Variants in NRCAM observed in about 807,000 individuals in gnomAD.
NRCAM encodes the protein neuronal cell adhesion molecule.
NRCAM carries 83 observed loss-of-function variants against 156.5 expected under a neutral mutation model. The observed-to-expected ratio is 0.53, with a 90% CI of 0.44 to 0.64. The LOEUF (loss-of-function observed/expected upper bound fraction) is 0.64, where lower values mean the gene tolerates loss of function less well. Ranked by LOEUF, NRCAM falls within the 30% of genes least tolerant of loss-of-function variation. NRCAM has a pLI of 0.00. For missense variants in NRCAM, 1,417 were observed against 1,597.3 expected (o/e 0.89, Z 1.92); for synonymous variants, 538 against 563.9 (o/e 0.95, Z 0.65).
intron 3 of NRCAM, among the ~76,000 whole-genome samples, chr7:108,307,395 T>C (rs1563198110): frequency 6.6e-6 from 1 of 152,244 alleles, no homozygotes; most frequent in Non-Finnish European, 1.5e-5. Context: ...ATTTCCACCA[T>C]GCTACAAGAA....
At chr7:108,244,119 T>C (rs2095733718) in intron 3 of NRCAM, among the ~76,000 whole-genome samples, 1 of 152,098 alleles carries the variant, frequency 6.6e-6, no homozygotes. Context: ...AGGAGGAAAT[T>C]ATTTTAATGA....
Position 108,381,049 on chromosome 7 carries a change from A to G in NRCAM, c.-174+18387T>C, listed in dbSNP as rs1011742052. Among the ~76,000 whole-genome samples, 2 of 152,184 alleles carry G rather than the reference A, an allele frequency of 1.3e-5. 1 individual carries two copies. The highest frequency in any genetic ancestry group is 6.3e-3 in the Middle Eastern group (2 of 316). ...GAGAGACCCTATCTTTAAAAAATAT[A>G]TAAAAGAATATACAAAGAACTGAAA... On this transcript the variant is annotated intron_variant, in intron 2 of 32. Coordinates refer to ENST00000379028, the MANE Select transcript of NRCAM (RefSeq NM_001037132.4).
intron 2 of NRCAM, among the ~76,000 whole-genome samples, chr7:108,320,453 C>A (rs988642476): frequency 4.0e-5 from 6 of 151,444 alleles, no homozygotes; most frequent in South Asian, 2.1e-4. Flanking sequence ...CAAAACAAAA[C>A]AAAACAAAAC....
chr7:108,298,338 AC>A (rs2098495141), intron 3 of NRCAM, among the ~76,000 whole-genome samples: 1 of 151,936 alleles, frequency 6.6e-6, no homozygotes, highest in East Asian at 1.9e-4. Context: ...TCTATCCAAA[AC>A]AACCCCCTCC....
intron 1 of NRCAM, among the ~76,000 whole-genome samples, chr7:108,437,042 TA>T (rs1013836778): frequency 6.6e-6 from 1 of 152,122 alleles, no homozygotes; most frequent in African/African-American, 2.4e-5. Context: ...ATGAATGGAT[TA>T]AAAAAATGTT....
chr7:108,151,741 G>A (rs1261391724), intron 32 of NRCAM, among the ~76,000 whole-genome samples: 1 of 152,152 alleles, frequency 6.6e-6, no homozygotes, highest in African/African-American at 2.4e-5. Flanking sequence ...TATGAAAATA[G>A]CCTACACAAC....
intron 25 of NRCAM, among the ~76,000 whole-genome samples, chr7:108,179,762 GA>G (rs1407790135): frequency 1.3e-5 from 2 of 152,140 alleles, no homozygotes. Context: ...TAATAAATTA[GA>G]AAAGAGCACT....
chr7:108,247,377 A>G (rs1013378143), intron 3 of NRCAM, among the ~76,000 whole-genome samples: 3 of 152,192 alleles, frequency 2.0e-5, no homozygotes, highest in African/African-American at 7.2e-5. Flanking sequence ...GGCCGAACCT[A>G]AATTAGTAAA....
chr7:108,232,262 C>T (rs2094432083), intron 7 of NRCAM, 64 bp downstream of exon 7: 4 of 1,207,928 alleles, frequency 3.3e-6, no homozygotes, highest in Admixed American at 2.3e-5. Context: ...GATGATGTCA[C>T]AGAAGCTGAG....
At chr7:108,250,294 C>T (rs1015428910) in intron 3 of NRCAM, among the ~76,000 whole-genome samples, 12 of 151,852 alleles carry the variant, frequency 7.9e-5, no homozygotes, top group Non-Finnish European at 1.6e-4. Context: ...GGCATGGTGG[C>T]GAGCACCTGT....
At chr7:108,172,679 A>G (rs181393946) in intron 28 of NRCAM, among the ~76,000 whole-genome samples, 8 of 152,358 alleles carry the variant, frequency 5.3e-5, no homozygotes, top group Admixed American at 1.3e-4. Context: ...AATCCAACAA[A>G]GAAAAGGACA....
chr7:108,392,131 G>A (rs953817503), intron 2 of NRCAM, among the ~76,000 whole-genome samples: 3 of 152,130 alleles, frequency 2.0e-5, no homozygotes, highest in Non-Finnish European at 4.4e-5. Context: ...GCCTTGCTAT[G>A]TTGGGGAAGT....
At chr7:108,304,390 T>C (rs1383361991) in intron 3 of NRCAM, among the ~76,000 whole-genome samples, 2 of 27,884 alleles carry the variant, frequency 7.2e-5, no homozygotes, top group East Asian at 0.011. Flanking sequence ...TATTCCATGC[T>C]TTTTTTTTTT....
At chr7:108,173,442 C>T (rs1422098789) in intron 28 of NRCAM, among the ~76,000 whole-genome samples, 1 of 151,976 alleles carries the variant, frequency 6.6e-6, no homozygotes, top group African/African-American at 2.4e-5. Flanking sequence ...TCTCCTGTCA[C>T]AGAGCAGTTA....
chr7:108,229,340 G>A (rs2093974167), intron 8 of NRCAM, among the ~76,000 whole-genome samples: 1 of 152,152 alleles, frequency 6.6e-6, no homozygotes, highest in East Asian at 1.9e-4. Context: ...GTAGCTCACT[G>A]CAGCCTTGAA....
intron 2 of NRCAM, among the ~76,000 whole-genome samples, chr7:108,322,347 T>C (rs993459323): frequency 1.3e-5 from 2 of 152,190 alleles, no homozygotes; most frequent in African/African-American, 4.8e-5. Flanking sequence ...TTCTGGAAAG[T>C]AAAAGGAATG....
chr7:108,376,830 T>C (rs2099677720), intron 2 of NRCAM, among the ~76,000 whole-genome samples: 1 of 152,180 alleles, frequency 6.6e-6, no homozygotes, highest in African/African-American at 2.4e-5. Flanking sequence ...TTTACTACCA[T>C]GATCAATGAC....
At chr7:108,299,114 A>AAAAAAAAAAAG in intron 3 of NRCAM, among the ~76,000 whole-genome samples, 3 of 25,516 alleles carry the variant, frequency 1.2e-4, no homozygotes, top group Non-Finnish European at 1.6e-4. Context: ...TCAAAAAAAA[A>AAAAAAAAAAAG]AAAGAAAGAA....
intron 2 of NRCAM, among the ~76,000 whole-genome samples, chr7:108,396,889 G>C (rs938060993): frequency 2.0e-5 from 3 of 151,944 alleles, no homozygotes; most frequent in Non-Finnish European, 4.4e-5. Context: ...GAGAAATAAA[G>C]GCTGCCAAAA....
Sources: allele counts gnomAD v4.1 joint callset (sites outside exome capture counted in the v4.1 genomes callset), GRCh38; gene constraint gnomAD v4.1.1; transcripts MANE v1.5; gene names NCBI Gene and HGNC (gene_info 2026-07-23, HGNC 2026-07-21).